Variants in PDGFD observed in about 807,000 individuals in gnomAD.
The protein encoded by PDGFD is platelet derived growth factor D, also known as platelet-derived growth factor D.
PDGFD carries 30 observed loss-of-function variants against 44.7 expected under a neutral mutation model. The observed-to-expected ratio is 0.67, with a 90% CI of 0.50 to 0.91. The LOEUF is 0.91. Among genes scored for constraint, PDGFD ranks in the 40% least tolerant of loss-of-function variants. The pLI is 0.00. For synonymous variants in PDGFD, 173 were observed against 168.4 expected, an observed-to-expected ratio of 1.03 and a Z score of -0.21; for missense variants, 445 against 457.8, an observed-to-expected ratio of 0.97 and a Z score of 0.25.
chr11:104,037,665 G>A, intron 1 of PDGFD: 1 of 1,614,148 alleles, frequency 6.2e-7, no homozygotes, highest in Admixed American at 1.7e-5. Context: ...TCATGAGGCT[G>A]GTGGACCGAC....
chr11:104,067,609 G>A (rs1306183277), intron 1 of PDGFD, among the ~76,000 whole-genome samples: 1 of 152,072 alleles, frequency 6.6e-6, no homozygotes, highest in African/African-American at 2.4e-5. Flanking sequence ...AAGAAAACAA[G>A]GAGGTCAGCC....
At chr11:104,085,725 G>T (rs568553598) in intron 1 of PDGFD, among the ~76,000 whole-genome samples, 8 of 152,084 alleles carry the variant, frequency 5.3e-5, no homozygotes, top group South Asian at 4.1e-4. Context: ...TCTTTTCAAT[G>T]TCCAGCTTAA....
intron 3 of PDGFD, 138 bp from the exon 4 acceptor site, chr11:103,947,862 G>C (rs1858687695): frequency 1.5e-6 from 1 of 680,554 alleles, no homozygotes. Context: ...TGCTGAACAG[G>C]TCACCATTTG....
At chr11:104,044,028 C>G (rs1860401886) in intron 1 of PDGFD, among the ~76,000 whole-genome samples, 2 of 152,130 alleles carry the variant, frequency 1.3e-5, no homozygotes, top group South Asian at 4.2e-4. Context: ...GGCGAACAAC[C>G]AGCGAAATAG....
rs749238487 is a variant in PDGFD, at chr11:104,163,859, T to G, written c.69A>C (p.Ala23=). 23 of 1,580,594 alleles carry G rather than the reference T, an allele frequency of 1.5e-5. No homozygotes were observed. In the Admixed American group the frequency reaches 3.7e-4, roughly 26 times the overall value. Residue 23 remains alanine, a synonymous_variant, in exon 1 of 7, where the codon GCA becomes GCC. Transcript: ENST00000393158. ...ANFCSCRDTS[A]TPQSASIKAL... is the part of the protein sequence containing the mutation. ...CTTTGATGGATGCGCTCTGCGGGGT[T>G]GCAGAAGTGTCCCGACAGCTGCAAA...
chr11:104,116,529 T>C (rs563050173), intron 1 of PDGFD, among the ~76,000 whole-genome samples: 1 of 150,872 alleles, frequency 6.6e-6, no homozygotes, highest in African/African-American at 2.4e-5. Context: ...CCCTAAGTCA[T>C]TCTATGAAGC....
chr11:103,999,206 G>C (rs542933057), intron 2 of PDGFD, among the ~76,000 whole-genome samples: 19 of 152,174 alleles, frequency 1.2e-4, no homozygotes, highest in Non-Finnish European at 2.8e-4. Flanking sequence ...AACCAAATTT[G>C]AGGCCCCTCT....
At chr11:103,957,093 T>C (rs1858863286) in intron 3 of PDGFD, among the ~76,000 whole-genome samples, 1 of 152,174 alleles carries the variant, frequency 6.6e-6, no homozygotes, top group Non-Finnish European at 1.5e-5. Context: ...TTGGCTTTTG[T>C]TGCCATTGCT....
intron 1 of PDGFD, among the ~76,000 whole-genome samples, chr11:104,105,218 T>G (rs1282283461): frequency 6.6e-6 from 1 of 152,168 alleles, no homozygotes; most frequent in Non-Finnish European, 1.5e-5. Flanking sequence ...AGGTCTCTGA[T>G]TGGAATCTTC....
chr11:104,139,367 AAGTAAAATG>A (rs1862052159), intron 1 of PDGFD, among the ~76,000 whole-genome samples: 2 of 152,136 alleles, frequency 1.3e-5, no homozygotes, highest in African/African-American at 4.8e-5. Context: ...AACAGCTGAA[AAGTAAAATG>A]AGTAAAGATA....
At chr11:103,961,983 T>C (rs550896257) in intron 3 of PDGFD, among the ~76,000 whole-genome samples, 46 of 152,062 alleles carry the variant, frequency 3.0e-4, no homozygotes, top group Non-Finnish European at 5.9e-4. Flanking sequence ...ATATGAAAAA[T>C]ACAAAGAACA....
chr11:103,999,669 G>GTTTATGCTC (rs1287983457), intron 2 of PDGFD, among the ~76,000 whole-genome samples: 3 of 152,164 alleles, frequency 2.0e-5, no homozygotes, highest in Non-Finnish European at 4.4e-5. Flanking sequence ...CCGGGCAGGG[G>GTTTATGCTC]TTTATGCTCC....
chr11:104,140,485 C>T (rs1440896567), intron 1 of PDGFD, among the ~76,000 whole-genome samples: 1 of 143,656 alleles, frequency 7.0e-6, no homozygotes, highest in Non-Finnish European at 1.5e-5. Flanking sequence ...TCAAAAGGTG[C>T]ACTCTTTTAA....
intron 3 of PDGFD, among the ~76,000 whole-genome samples, chr11:103,978,057 G>T (rs1297635721): frequency 6.6e-6 from 1 of 152,034 alleles, no homozygotes; most frequent in Non-Finnish European, 1.5e-5. Flanking sequence ...TTCATCATCC[G>T]GCTCCATCAT....
At chr11:104,107,707 G>C (rs956587642) in intron 1 of PDGFD, among the ~76,000 whole-genome samples, 7 of 152,110 alleles carry the variant, frequency 4.6e-5, no homozygotes, top group African/African-American at 1.7e-4. Flanking sequence ...GAACTCTGGA[G>C]TAAGACTTAG....
intron 1 of PDGFD, among the ~76,000 whole-genome samples, chr11:104,133,488 A>G (rs1398952134): frequency 6.6e-6 from 1 of 152,178 alleles, no homozygotes; most frequent in Non-Finnish European, 1.5e-5. Context: ...GAAGATATCC[A>G]GCCATATTTA....
chr11:103,916,571 A>G (rs1321077942), intron 6 of PDGFD, among the ~76,000 whole-genome samples: 1 of 152,232 alleles, frequency 6.6e-6, no homozygotes, highest in African/African-American at 2.4e-5. Flanking sequence ...CATTTGACCC[A>G]GCAATCCCAT....
intron 1 of PDGFD, among the ~76,000 whole-genome samples, chr11:104,106,278 C>A (rs917694974): frequency 6.6e-6 from 1 of 152,128 alleles, no homozygotes; most frequent in Non-Finnish European, 1.5e-5. Context: ...CATGAACCCA[C>A]TAATTGATAG....
At chr11:104,142,172 CAT>C (rs1862094848) in intron 1 of PDGFD, among the ~76,000 whole-genome samples, 1 of 151,970 alleles carries the variant, frequency 6.6e-6, no homozygotes, top group African/African-American at 2.4e-5. Flanking sequence ...TATGTGTGTA[CAT>C]GTTTGCATGC....
Sources: allele counts gnomAD v4.1 joint callset (sites outside exome capture counted in the v4.1 genomes callset), GRCh38; gene constraint gnomAD v4.1.1; transcripts MANE v1.5; gene names NCBI Gene and HGNC (gene_info 2026-07-23, HGNC 2026-07-21).